IFI44L: variants seen among roughly 807,000 people sequenced by gnomAD.
The protein encoded by IFI44L is interferon induced protein 44 like, also known as interferon-induced protein 44-like.
Under a neutral mutation model 39.3 loss-of-function variants are expected in IFI44L, and 40 were observed. That is an observed-to-expected ratio of 1.02 (90% CI 0.79 to 1.33). IFI44L has a LOEUF of 1.33. IFI44L is among the 40% of genes most tolerant of loss of function. IFI44L has a pLI of 0.00. For missense variants in IFI44L, 623 were observed against 549.0 expected, an observed-to-expected ratio of 1.13 and a Z score of -1.35; for synonymous variants, 198 against 182.3, an observed-to-expected ratio of 1.09 and a Z score of -0.69.
In IFI44L at chr1:78,629,830, T is replaced by A; in HGVS notation, c.638T>A (p.Phe213Tyr). ...CCAGTTGGGTCTGGAAAGTCCAGTT[T>A]TTTCAATTCAGTCAAGTCTATTTTT... The part of the protein sequence containing the change: ...VGPVGSGKSS[F>Y]FNSVKSIFHG... Residue 213 changes from phenylalanine (F) to tyrosine (Y), a missense_variant, in exon 4 of 9, where the codon TTT becomes TAT. Physicochemically the swap from Phe to Tyr is conservative, Grantham distance 22. Coordinates refer to ENST00000370751, the MANE Select transcript of IFI44L (RefSeq NM_006820.4). 1 of 1,613,842 alleles carries A rather than the reference T, an allele frequency of 6.2e-7. No homozygotes were observed. Among genetic ancestry groups the A allele is most frequent in the Non-Finnish European group, 8.5e-7 (1 of 1,179,858 alleles).
At chr1:78,639,830 C>T (rs987906440) in intron 6 of IFI44L, among the ~76,000 whole-genome samples, 5 of 152,052 alleles carry the variant, frequency 3.3e-5, no homozygotes, top group African/African-American at 1.2e-4. Context: ...GTAGAAAGAT[C>T]ACATATTTAG....
intron 5 of IFI44L, chr1:78,635,748 T>C (rs900390644): frequency 7.4e-5 from 34 of 458,036 alleles, no homozygotes; most frequent in Admixed American, 1.7e-4. Context: ...ATAGTGTGTT[T>C]TTATCACTCT....
intron 5 of IFI44L, chr1:78,635,967 CTTTT>C (rs772798804): frequency 5.7e-5 from 7 of 123,018 alleles, no homozygotes; most frequent in African/African-American, 6.1e-5. Flanking sequence ...CTCTCTCGGT[CTTTT>C]TTTTTTTTTT....
intron 3 of IFI44L, 156 bp from the exon 4 acceptor site, chr1:78,629,564 C>A: frequency 4.1e-6 from 2 of 487,262 alleles, no homozygotes; most frequent in Non-Finnish European, 7.1e-6. Flanking sequence ...TATTTCAAAT[C>A]ATATTATAGA....
rs1390819569 is a variant in IFI44L at position 78,642,731 on chromosome 1, A to T, written c.*922A>T. The T allele has an allele frequency of 6.6e-6, 1 of 152,182 alleles. No individual in the cohort carries two copies. Among genetic ancestry groups the T allele is most frequent in the Non-Finnish European group, 1.5e-5 (1 of 68,016 alleles). 9.4% of individuals were successfully genotyped at this position (152,182 alleles called of 1,614,324 possible). On this transcript the variant is annotated 3_prime_UTR_variant, in exon 9 of 9. Coordinates refer to ENST00000370751, the MANE Select transcript of IFI44L (RefSeq NM_006820.4). ...CTAAGTAATTGAATTAATTAAAATG[A>T]GCCAACTTTTTTTTAACAATTTACA... is the stretch of plus-strand genomic sequence containing the variant.
Position 78,628,076 on chromosome 1 carries a change from C to T in IFI44L, c.161C>T (p.Ala54Val). The change falls in exon 2 of 9, where the codon GCT (alanine) becomes GTT (valine). Residue 54 changes from alanine to valine, a missense_variant. Transcript: ENST00000370751. ...CSRQGCTITM[A>V]YIDYNMIVAF... ...CGTCAGGGATGTACTATAACAATGG[C>T]TTACATTGATTACAATATGATTGTA... is the stretch of plus-strand genomic sequence containing the variant. 4 of 1,613,074 alleles carry T rather than the reference C, an allele frequency of 2.5e-6. No homozygotes were observed. Among genetic ancestry groups the T allele is most frequent in the Non-Finnish European group, 3.4e-6 (4 of 1,179,490 alleles).
chr1:78,635,665 T>C, intron 5 of IFI44L, 176 bp downstream of exon 5: 1 of 608,294 alleles, frequency 1.6e-6, no homozygotes, highest in Non-Finnish European at 2.8e-6. Context: ...CTATTGTTCT[T>C]TTCTGTAACA....
intron 4 of IFI44L, among the ~76,000 whole-genome samples, chr1:78,632,228 T>G (rs1483534142): frequency 6.6e-6 from 1 of 152,170 alleles, no homozygotes; most frequent in East Asian, 1.9e-4. Flanking sequence ...CAAGTGACCC[T>G]ACTAATAAAG....
intron 6 of IFI44L, 29 bp from the exon 7 acceptor site, chr1:78,640,992 A>G: frequency 1.4e-6 from 2 of 1,468,484 alleles, no homozygotes; most frequent in Non-Finnish European, 1.9e-6. Context: ...TTTATGATAT[A>G]AAATAACTGA....
intron 4 of IFI44L, among the ~76,000 whole-genome samples, chr1:78,630,349 A>G (rs1210662832): frequency 6.6e-6 from 1 of 152,076 alleles, no homozygotes; most frequent in African/African-American, 2.4e-5. Context: ...GCAAAATAGC[A>G]ATTCACTTTG....
chr1:78,624,660 A>G (rs1652417124), intron 1 of IFI44L, among the ~76,000 whole-genome samples: 1 of 152,114 alleles, frequency 6.6e-6, no homozygotes, highest in African/African-American at 2.4e-5. Flanking sequence ...TATAATGGAT[A>G]AAGTATTGAA....
At chr1:78,633,926 A>G (rs894401683) in intron 4 of IFI44L, among the ~76,000 whole-genome samples, 4 of 152,154 alleles carry the variant, frequency 2.6e-5, no homozygotes, top group African/African-American at 7.2e-5. Flanking sequence ...GAAAAATACA[A>G]TGGGTGAAAT....
intron 5 of IFI44L, 147 bp from the exon 6 acceptor site, chr1:78,636,885 A>G (rs1330416510): frequency 3.4e-6 from 2 of 590,174 alleles, no homozygotes; most frequent in African/African-American, 3.9e-5. Context: ...GAAAGGAAGT[A>G]AAGAGGAGGT....
rs530789216 is a variant in IFI44L, at chr1:78,634,078, G to A, written c.724-1259G>A. 4.0e-3 allele frequency among the ~76,000 whole-genome samples: 612 copies of A among 152,028 alleles called. 1 individual carries two copies. The highest frequency in any genetic ancestry group is 6.6e-3 in the Non-Finnish European group (446 of 67,950). Reference sequence around the variant, plus strand: ...GGAAGAAAGCTTATGGGATTTATGGGACATCATCAAAAGGACAAATATTCA... The same window carrying A: ...GGAAGAAAGCTTATGGGATTTATGGAACATCATCAAAAGGACAAATATTCA... On this transcript the variant is annotated intron_variant, in intron 4 of 8. Coordinates refer to ENST00000370751, the MANE Select transcript of IFI44L (RefSeq NM_006820.4).
chr1:78,632,474 T>A (rs2100492788), intron 4 of IFI44L, among the ~76,000 whole-genome samples: 1 of 152,294 alleles, frequency 6.6e-6, no homozygotes, highest in East Asian at 1.9e-4. Flanking sequence ...TGTTTTAAGA[T>A]GATCAATAAA....
In IFI44L at chr1:78,641,417, T is replaced by A. The variant is rs191041471; in HGVS notation, c.1150-18T>A. On this transcript the variant is annotated intron_variant, in intron 7 of 8. Transcript: ENST00000370751. ...TATTAAATACAGGACTTACACTTTT[T>A]AAATATACTTTCCACAGGTCATGAA... 642 of 1,605,524 alleles carry A rather than the reference T, an allele frequency of 4.0e-4. 7 individuals carry two copies. The East Asian group carries it at 0.013, about 33-fold the overall frequency.
chr1:78,623,802 A>G (rs904586206), intron 1 of IFI44L, among the ~76,000 whole-genome samples: 1 of 152,154 alleles, frequency 6.6e-6, no homozygotes, highest in Non-Finnish European at 1.5e-5. Context: ...GAGCTCAGAT[A>G]TCTGAGAGCA....
chr1:78,622,331 G>A lies in IFI44L; in HGVS notation c.-11+1760G>A, dbSNP rs541435838. ...CATTTTCTTTATCCATCCACTTATG[G>A]ACAGTTAGGTTGATTCCATATCTTT... On this transcript the variant is annotated intron_variant, in intron 1 of 8. Coordinates refer to ENST00000370751, the MANE Select transcript of IFI44L (RefSeq NM_006820.4). 2.0e-5 allele frequency among the ~76,000 whole-genome samples: 3 copies of A among 152,124 alleles called. No individual in the cohort carries two copies. In the South Asian group the frequency reaches 6.2e-4, roughly 32 times the overall value.
At chr1:78,622,911 A>C (rs1030419459) in intron 1 of IFI44L, among the ~76,000 whole-genome samples, 1 of 152,232 alleles carries the variant, frequency 6.6e-6, no homozygotes, top group Non-Finnish European at 1.5e-5. Context: ...TGTGGCTCGC[A>C]CTTTGATAAC....
Sources: allele counts gnomAD v4.1 joint callset (sites outside exome capture counted in the v4.1 genomes callset), GRCh38; gene constraint gnomAD v4.1.1; transcripts MANE v1.5; gene names NCBI Gene and HGNC (gene_info 2026-07-23, HGNC 2026-07-21).